The following FRMD5 variants were observed in gnomAD, a reference collection of about 807,000 sequenced individuals.
FRMD5 encodes FERM domain containing 5, also known as FERM domain-containing protein 5.
A neutral mutation model predicts 69.0 loss-of-function variants in FRMD5; 20 were observed. The ratio of observed to expected loss-of-function variants is 0.29; its 90% CI spans 0.20 to 0.42. The LOEUF (loss-of-function observed/expected upper bound fraction) is 0.42. Among genes scored for constraint, FRMD5 ranks in the 10% least tolerant of loss-of-function variants. FRMD5 has a pLI of 1.00. For missense variants in FRMD5, 595 were observed against 708.6 expected (o/e 0.84, Z 1.82); for synonymous variants, 271 against 260.1 (o/e 1.04, Z -0.40).
chr15:44,138,542 C>T (rs1307162364), intron 1 of FRMD5, among the ~76,000 whole-genome samples: 2 of 152,118 alleles, frequency 1.3e-5, no homozygotes, highest in Non-Finnish European at 2.9e-5. Context: ...GGATTCCATG[C>T]CCAGCTAAGC....
Position 43,873,546 on chromosome 15 carries a change from A to ATTAT in FRMD5, c.*335_*338dup. ...GCAATAATCAGTAATAGTAAAATAA[A>ATTAT]TTATTTTTATTTGATACTTCAAAAT... On this transcript the variant is annotated 3_prime_UTR_variant, in exon 14 of 14. Coordinates refer to ENST00000417257, the MANE Select transcript of FRMD5 (RefSeq NM_032892.5). 3.6e-6 allele frequency: 5 copies of ATTAT among 1,387,922 alleles called. No homozygotes were observed. The highest frequency in any genetic ancestry group is 1.4e-5 in the South Asian group (1 of 70,908). The allele number at this position is 1,387,922 out of a possible 1,614,324, so 86.0% of individuals were successfully genotyped here.
intron 1 of FRMD5, among the ~76,000 whole-genome samples, chr15:43,929,510 C>T (rs975755818): frequency 3.3e-5 from 5 of 152,144 alleles, no homozygotes; most frequent in African/African-American, 1.2e-4. Context: ...AGAGTGATTC[C>T]AACTTCCTCC....
chr15:44,193,703 G>C (rs2078232877), intron 1 of FRMD5, among the ~76,000 whole-genome samples: 1 of 152,216 alleles, frequency 6.6e-6, no homozygotes, highest in Admixed American at 6.5e-5. Flanking sequence ...GGGAGAAAAG[G>C]GAAAGTGAGG....
chr15:44,138,650 T>C (rs1181337932), intron 1 of FRMD5, among the ~76,000 whole-genome samples: 2 of 152,178 alleles, frequency 1.3e-5, no homozygotes, highest in Non-Finnish European at 2.9e-5. Context: ...TATCATAGAA[T>C]ATACTTCAGA....
chr15:44,027,651 G>GTTTTTTTTTTTTTTTT (rs759567597), intron 1 of FRMD5, among the ~76,000 whole-genome samples: 1 of 73,950 alleles, frequency 1.4e-5, no homozygotes, highest in Admixed American at 1.7e-4. Flanking sequence ...TTTTTTTTTT[G>GTTTTTTTTTTTTTTTT]TTTTTTTTTT....
rs368581476 is a variant in FRMD5, at chr15:43,944,324, TG to T, written c.103-20016del. 6.0e-4 allele frequency among the ~76,000 whole-genome samples: 91 copies of T among 152,360 alleles called. No individual in the cohort carries two copies. In the East Asian group the frequency reaches 0.012, roughly 21 times the overall value. ...AAGAAAGCCACCAGTTCCATTCCCA[TG>T]ATAACCCATTAATCCATTAACCCTT... On this transcript the variant is annotated intron_variant, in intron 1 of 13. Transcript: ENST00000417257.
At chr15:44,130,203 C>T (rs941622660) in intron 1 of FRMD5, among the ~76,000 whole-genome samples, 1 of 152,210 alleles carries the variant, frequency 6.6e-6, no homozygotes, top group Non-Finnish European at 1.5e-5. Flanking sequence ...ATCTATTACC[C>T]TGTGCAAGGT....
At chr15:43,875,822 T>TA in intron 13 of FRMD5, 1 of 388,660 alleles carries the variant, frequency 2.6e-6, no homozygotes, top group Non-Finnish European at 4.8e-6. Flanking sequence ...TTTTTTTTTT[T>TA]TTTTTCTTTC....
intron 1 of FRMD5, among the ~76,000 whole-genome samples, chr15:44,028,838 A>G (rs1891553120): frequency 1.3e-5 from 2 of 152,190 alleles, no homozygotes; most frequent in African/African-American, 4.8e-5. Flanking sequence ...ACACTACCCC[A>G]AGGGACTGTC....
At chr15:44,197,194 C>T (rs1264873832), upstream of FRMD5, among the ~76,000 whole-genome samples, 3 of 128,132 alleles carry the variant, frequency 2.3e-5, no homozygotes, top group Non-Finnish European at 5.2e-5. Context: ...GAGCAAGACT[C>T]GGTCTAAAAA....
chr15:44,197,456 G>T (rs1198486353), upstream of FRMD5, among the ~76,000 whole-genome samples: 2 of 151,908 alleles, frequency 1.3e-5, no homozygotes, highest in Non-Finnish European at 2.9e-5. Context: ...GGCCGAGGTG[G>T]GTGGATCACG....
intron 3 of FRMD5, 36 bp downstream of exon 3, chr15:43,919,731 G>A (rs376737850): frequency 2.5e-6 from 4 of 1,604,286 alleles, no homozygotes; most frequent in African/African-American, 2.7e-5. Context: ...CCCTCCCCAG[G>A]GGTGTGGCTT....
chr15:44,015,171 T>G (rs1293293536), intron 1 of FRMD5, among the ~76,000 whole-genome samples: 1 of 152,028 alleles, frequency 6.6e-6, no homozygotes, highest in Admixed American at 6.6e-5. Flanking sequence ...GGTCTCACTC[T>G]GTTGCCTAGG....
Position 43,873,906 on chromosome 15 carries a change from C to CA in FRMD5, c.1691dup (p.Ser565GlufsTer5). 6.2e-7 allele frequency: 1 copy of CA among 1,614,066 alleles called. No individual in the cohort carries two copies. The highest frequency in any genetic ancestry group is 2.2e-5 in the East Asian group (1 of 44,866). ...CTTCTCAGGTGTCAATGAGCAGGCTCACCACTGAGCGGATTTTGCAGGCAA... is the reference window on the plus strand; with the variant it reads ...CTTCTCAGGTGTCAATGAGCAGGCTCAACCACTGAGCGGATTTTGCAGGCAA... On this transcript the variant is annotated frameshift_variant, in exon 14 of 14. Coordinates refer to ENST00000417257, the MANE Select transcript of FRMD5 (RefSeq NM_032892.5). LOFTEE classifies it high-confidence loss of function.
chr15:43,950,723 G>A (rs2090013579), intron 1 of FRMD5, among the ~76,000 whole-genome samples: 1 of 152,296 alleles, frequency 6.6e-6, no homozygotes, highest in Non-Finnish European at 1.5e-5. Context: ...AGGCACAGCT[G>A]GGACATCCTT....
chr15:43,929,629 G>A (rs1416583922), intron 1 of FRMD5, among the ~76,000 whole-genome samples: 1 of 152,132 alleles, frequency 6.6e-6, no homozygotes, highest in Non-Finnish European at 1.5e-5. Context: ...CAGAAAGTGG[G>A]CACCCGTAGC....
At chr15:43,876,361 T>C (rs562313933) in intron 13 of FRMD5, 1 of 808,460 alleles carries the variant, frequency 1.2e-6, no homozygotes, top group African/African-American at 1.7e-5. Context: ...GAGTCTCAAG[T>C]CTGCCTGTTG....
At chr15:43,963,098 C>T (rs2090231355) in intron 1 of FRMD5, among the ~76,000 whole-genome samples, 2 of 151,972 alleles carry the variant, frequency 1.3e-5, no homozygotes, top group African/African-American at 4.8e-5. Flanking sequence ...GCAAAAGAAA[C>T]CACCATCAGA....
chr15:44,117,003 T>C (rs1290118818), intron 1 of FRMD5, among the ~76,000 whole-genome samples: 1 of 151,206 alleles, frequency 6.6e-6, no homozygotes, highest in African/African-American at 2.4e-5. Flanking sequence ...GTGGGCGTGG[T>C]CTGAGGCAGG....
Sources: allele counts gnomAD v4.1 joint callset (sites outside exome capture counted in the v4.1 genomes callset), GRCh38; gene constraint gnomAD v4.1.1; transcripts MANE v1.5; gene names NCBI Gene and HGNC (gene_info 2026-07-23, HGNC 2026-07-21).